Variants in ARHGAP18 observed in about 807,000 individuals in gnomAD.
ARHGAP18 encodes Rho GTPase activating protein 18, also known as rho GTPase-activating protein 18.
A neutral mutation model predicts 86.2 loss-of-function variants in ARHGAP18; 67 were observed. That is an observed-to-expected ratio of 0.78 (90% CI 0.64 to 0.95). ARHGAP18 has a LOEUF of 0.95. Among genes scored for constraint, ARHGAP18 ranks in the 40% least tolerant of loss-of-function variants. The pLI, the probability that ARHGAP18 is intolerant of heterozygous loss-of-function variation, is 0.00. For missense variants in ARHGAP18, 691 were observed against 780.4 expected, an observed-to-expected ratio of 0.89 and a Z score of 1.37; for synonymous variants, 283 against 280.4, an observed-to-expected ratio of 1.01 and a Z score of -0.09.
chr6:129,709,436 T>C (rs901456155), intron 1 of ARHGAP18, among the ~76,000 whole-genome samples: 4 of 152,206 alleles, frequency 2.6e-5, no homozygotes, highest in Non-Finnish European at 5.9e-5. Flanking sequence ...CAGAGTGCTA[T>C]CTCCTGACAA....
intron 1 of ARHGAP18, among the ~76,000 whole-genome samples, chr6:129,649,756 G>A (rs1159950551): frequency 1.3e-5 from 2 of 151,724 alleles, no homozygotes; most frequent in Non-Finnish European, 2.9e-5. Context: ...GCAAAACTGA[G>A]AAGACAAGCC....
At chr6:129,680,934 G>A (rs1774314125) in intron 1 of ARHGAP18, among the ~76,000 whole-genome samples, 1 of 152,176 alleles carries the variant, frequency 6.6e-6, no homozygotes, top group Non-Finnish European at 1.5e-5. Context: ...CCAAATCTCT[G>A]CCTTCCCGAT....
intron 1 of ARHGAP18, 66 bp downstream of exon 1, chr6:129,709,957 TC>T (rs1774877625): frequency 1.5e-6 from 2 of 1,330,880 alleles, no homozygotes; most frequent in Non-Finnish European, 2.1e-6. Context: ...CACGCCAACT[TC>T]CCTGTCACTT....
rs373508283 is a variant in ARHGAP18 at position 129,702,352 on chromosome 6, A to G, written c.113+7672T>C. On this transcript the variant is annotated intron_variant, in intron 1 of 14. Coordinates refer to ENST00000368149, the MANE Select transcript of ARHGAP18 (RefSeq NM_033515.3). Reference sequence around the variant, plus strand: ...CCTCCTGCCCTAATCCATGCCCAATACCCTGACTCATCCCCACTCTCCTCA... The same window carrying G: ...CCTCCTGCCCTAATCCATGCCCAATGCCCTGACTCATCCCCACTCTCCTCA... Among the ~76,000 whole-genome samples, 18 of 152,264 alleles carry G rather than the reference A, an allele frequency of 1.2e-4. No individual in the cohort carries two copies. In the South Asian group the frequency reaches 3.7e-3, roughly 32 times the overall value.
chr6:129,697,720 A>G (rs1774643447), intron 1 of ARHGAP18, among the ~76,000 whole-genome samples: 1 of 152,218 alleles, frequency 6.6e-6, no homozygotes, highest in Non-Finnish European at 1.5e-5. Flanking sequence ...TGTAATTCCA[A>G]AGAAATTCAG....
chr6:129,619,019 C>T (rs1789155933), intron 5 of ARHGAP18, among the ~76,000 whole-genome samples, 167 bp from the exon 6 acceptor site: 2 of 151,468 alleles, frequency 1.3e-5, no homozygotes, highest in Non-Finnish European at 2.9e-5. Context: ...ATGATGACGA[C>T]CCCTAAAGCT....
intron 1 of ARHGAP18, among the ~76,000 whole-genome samples, chr6:129,667,698 T>C (rs1774068178): frequency 6.6e-6 from 1 of 151,756 alleles, no homozygotes; most frequent in African/African-American, 2.4e-5. Context: ...AGGCAATACA[T>C]ACATGGAGGG....
Position 129,638,470 on chromosome 6 carries a change from A to G in ARHGAP18, c.476T>C (p.Leu159Ser). 6.2e-7 allele frequency: 1 copy of G among 1,613,986 alleles called. No individual in the cohort carries two copies. Among genetic ancestry groups the G allele is most frequent in the Non-Finnish European group, 8.5e-7 (1 of 1,179,984 alleles). Residue 159 changes from leucine (L) to serine (S), a missense_variant, in exon 3 of 15, where the codon TTG becomes TCG. Physicochemically the swap from Leu to Ser is moderately radical, Grantham distance 145 (BLOSUM62 -2). Coordinates refer to ENST00000368149, the MANE Select transcript of ARHGAP18 (RefSeq NM_033515.3). The stretch of plus-strand genomic sequence containing the variant: ...CTGGTACTGTTTGTTTTTTTTCCTC[A>G]AGGTCTGGGAGACCGTCTCTACTCG... ...QKRVETVSQT[L>S]RKKNKQYQIP...
chr6:129,658,818 G>T (rs1034306421), intron 1 of ARHGAP18, among the ~76,000 whole-genome samples: 1 of 152,126 alleles, frequency 6.6e-6, no homozygotes, highest in Non-Finnish European at 1.5e-5. Flanking sequence ...CATAAGAATT[G>T]AAAACAACTA....
chr6:129,595,728 T>C (rs1311641473), intron 12 of ARHGAP18, among the ~76,000 whole-genome samples: 2 of 152,198 alleles, frequency 1.3e-5, no homozygotes, highest in Admixed American at 6.6e-5. Flanking sequence ...TGCACCTAAG[T>C]GGCCAGTTAG....
chr6:129,635,011 C>A (rs73592415), intron 3 of ARHGAP18, among the ~76,000 whole-genome samples: 1 of 152,028 alleles, frequency 6.6e-6, no homozygotes, highest in African/African-American at 2.4e-5. Flanking sequence ...GCCCAAGGAA[C>A]GGGGCCTTCC....
intron 13 of ARHGAP18, among the ~76,000 whole-genome samples, chr6:129,580,400 A>G (rs1373820000): frequency 6.6e-6 from 1 of 152,248 alleles, no homozygotes; most frequent in Non-Finnish European, 1.5e-5. Context: ...TCAAAAGAAA[A>G]GTTAATGTAA....
chr6:129,636,552 G>C (rs1773336865), intron 3 of ARHGAP18, among the ~76,000 whole-genome samples: 1 of 152,266 alleles, frequency 6.6e-6, no homozygotes, highest in East Asian at 1.9e-4. Flanking sequence ...AAACAAATTT[G>C]GGTTTACTAT....
chr6:129,654,838 T>C (rs1222549236), intron 1 of ARHGAP18, among the ~76,000 whole-genome samples: 5 of 152,216 alleles, frequency 3.3e-5, no homozygotes, highest in African/African-American at 1.2e-4. Flanking sequence ...CCCAAAATGC[T>C]GTCTGCTACA....
chr6:129,677,282 A>G (rs775814295), intron 1 of ARHGAP18, among the ~76,000 whole-genome samples: 5 of 152,100 alleles, frequency 3.3e-5, no homozygotes, highest in Non-Finnish European at 7.4e-5. Context: ...AGTCTCAGCT[A>G]CTGAAGAGGC....
chr6:129,619,036 G>C (rs1192468320), intron 5 of ARHGAP18, among the ~76,000 whole-genome samples, 184 bp from the exon 6 acceptor site: 1 of 151,164 alleles, frequency 6.6e-6, no homozygotes, highest in Non-Finnish European at 1.5e-5. Context: ...AGCTGTGGAG[G>C]GTTCGGGAGT....
In ARHGAP18 at chr6:129,710,099, G is replaced by A; in HGVS notation, c.38C>T (p.Thr13Ile). ...WLSSSQGVVL[T>I]AYHPSGKDQT... Reference sequence around the variant, plus strand: ...GTCCTTGCCGCTGGGGTGGTAGGCTGTTAGTACCACTCCCTGGGAACTGGA... The same window carrying A: ...GTCCTTGCCGCTGGGGTGGTAGGCTATTAGTACCACTCCCTGGGAACTGGA... Residue 13 changes from threonine to isoleucine, a missense_variant, in exon 1 of 15, where the codon ACA becomes ATA. Physicochemically the swap from Thr to Ile is moderately conservative, Grantham distance 89 (BLOSUM62 -1). Transcript: ENST00000368149. The A allele has an allele frequency of 6.2e-7, 1 of 1,614,036 alleles. No homozygotes were observed. The highest frequency in any genetic ancestry group is 8.5e-7 in the Non-Finnish European group (1 of 1,179,924).
At chr6:129,629,673 C>A in intron 4 of ARHGAP18, 151 bp from the exon 5 acceptor site, 1 of 800,456 alleles carries the variant, frequency 1.2e-6, no homozygotes, top group South Asian at 2.0e-5. Flanking sequence ...AGAGTATACT[C>A]AAGAATCCTA....
At chr6:129,614,115 G>A (rs75591435) in intron 7 of ARHGAP18, among the ~76,000 whole-genome samples, 2,235 of 152,260 alleles carry the variant, frequency 0.015, 21 homozygotes, top group Middle Eastern at 0.044. Flanking sequence ...GTACCTCTGA[G>A]TAAAATAATA....
Sources: allele counts gnomAD v4.1 joint callset (sites outside exome capture counted in the v4.1 genomes callset), GRCh38; gene constraint gnomAD v4.1.1; transcripts MANE v1.5; gene names NCBI Gene and HGNC (gene_info 2026-07-23, HGNC 2026-07-21).